Variants in SRGAP1 observed in about 807,000 individuals in gnomAD.
The protein encoded by SRGAP1 is SLIT-ROBO Rho GTPase-activating protein 1.
SRGAP1 carries 43 observed loss-of-function variants against 121.9 expected under a neutral mutation model. The ratio of observed to expected loss-of-function variants is 0.35; its 90% CI spans 0.28 to 0.46. The LOEUF is 0.46. SRGAP1 is among the 20% of genes least tolerant of loss of function. The pLI is 1.00. For missense variants in SRGAP1, 1,102 were observed against 1,350.9 expected (o/e 0.82, Z 2.89); for synonymous variants, 447 against 485.4 (o/e 0.92, Z 1.04).
chr12:64,013,664 A>T (rs2034318998), intron 3 of SRGAP1, among the ~76,000 whole-genome samples: 1 of 152,184 alleles, frequency 6.6e-6, no homozygotes, highest in Non-Finnish European at 1.5e-5. Flanking sequence ...TCAGTTACAT[A>T]TACCTTATTA....
At position 64,035,928 on chromosome 12, in the gene SRGAP1, C is replaced by T. The variant is rs144216588; in HGVS notation, c.490-6862C>T. Among the ~76,000 whole-genome samples, 55 of 152,288 alleles carry T rather than the reference C, an allele frequency of 3.6e-4. 1 individual carries two copies. In the East Asian group the frequency reaches 8.7e-3, roughly 24 times the overall value. ...ACTGTCAAGAATCATAACTACCCAC[C>T]GTGCTGTGTGCTTACATTCTGTCAT... On this transcript the variant is annotated intron_variant, in intron 4 of 21. Transcript: ENST00000355086.
intron 1 of SRGAP1, among the ~76,000 whole-genome samples, chr12:63,857,115 G>A (rs9738559): frequency 0.15 from 22,573 of 145,816 alleles, 2,727 homozygotes; most frequent in East Asian, 0.42. Context: ...ATGGAGTTTC[G>A]CTTACCCAGG....
chr12:63,896,271 T>C (rs1241143775), intron 1 of SRGAP1, among the ~76,000 whole-genome samples: 1 of 152,212 alleles, frequency 6.6e-6, no homozygotes, highest in African/African-American at 2.4e-5. Context: ...GATGGTGATG[T>C]ATTAATAATT....
At chr12:64,110,760 G>T (rs115581667) in intron 16 of SRGAP1, among the ~76,000 whole-genome samples, 327 of 152,258 alleles carry the variant, frequency 2.1e-3, no homozygotes, top group African/African-American at 7.7e-3. Context: ...TTGAGAAATG[G>T]CAGAAGGGAA....
At chr12:64,081,813 A>G (rs1021005958) in intron 10 of SRGAP1, 1 of 151,698 alleles carries the variant, frequency 6.6e-6, no homozygotes, top group Non-Finnish European at 1.5e-5. Context: ...AAGAAGGTAC[A>G]GTCAATGTGG....
intron 17 of SRGAP1, among the ~76,000 whole-genome samples, chr12:64,112,421 A>G (rs1001702291): frequency 1.1e-4 from 17 of 152,040 alleles, no homozygotes; most frequent in African/African-American, 4.1e-4. Context: ...TTTCATTTTC[A>G]CTCTTCCTAA....
rs907717516 is a variant in SRGAP1, at chr12:64,067,756, A to C, written c.1125+2537A>C. Among the ~76,000 whole-genome samples the C allele has an allele frequency of 3.3e-5, 5 of 152,110 alleles. No homozygotes were observed. In the East Asian group the frequency reaches 9.6e-4, roughly 29 times the overall value. ...TCTCTTTGGGGATGAACTGATGGAG[A>C]AGGTGAGGTCATTCAACAAGAAGCT... On this transcript the variant is annotated intron_variant, in intron 8 of 21. Coordinates refer to ENST00000355086, the MANE Select transcript of SRGAP1 (RefSeq NM_020762.4).
chr12:63,999,241 A>T (rs1392841917), intron 3 of SRGAP1, among the ~76,000 whole-genome samples: 1 of 152,172 alleles, frequency 6.6e-6, no homozygotes, highest in Non-Finnish European at 1.5e-5. Flanking sequence ...AGATGGCAAG[A>T]GAGATGATTG....
chr12:63,855,905 C>G (rs978833156), intron 1 of SRGAP1, among the ~76,000 whole-genome samples: 4 of 152,056 alleles, frequency 2.6e-5, no homozygotes, highest in African/African-American at 9.7e-5. Flanking sequence ...TAGTCTCTTG[C>G]CAGTTATATC....
chr12:63,993,089 G>A (rs186437510), intron 3 of SRGAP1, among the ~76,000 whole-genome samples: 1 of 152,248 alleles, frequency 6.6e-6, no homozygotes, highest in East Asian at 1.9e-4. Flanking sequence ...AGTTTACGGA[G>A]GAGTAAGATC....
chr12:63,904,838 G>A (rs2030123759), intron 1 of SRGAP1, among the ~76,000 whole-genome samples: 1 of 152,126 alleles, frequency 6.6e-6, no homozygotes, highest in African/African-American at 2.4e-5. Context: ...GGGAGGCTGA[G>A]GTGGGAGGAT....
intron 1 of SRGAP1, among the ~76,000 whole-genome samples, chr12:63,904,193 G>A (rs1182514312): frequency 1.3e-5 from 2 of 151,392 alleles, no homozygotes; most frequent in Non-Finnish European, 2.9e-5. Context: ...TTCTCCTTTA[G>A]TAATACAACT....
chr12:64,126,518 T>G (rs541252969), intron 19 of SRGAP1, among the ~76,000 whole-genome samples: 1 of 152,348 alleles, frequency 6.6e-6, no homozygotes, highest in South Asian at 2.1e-4. Flanking sequence ...GGAAGGACAC[T>G]GACCTAAAGT....
At chr12:63,960,467 T>C (rs1295945366) in intron 1 of SRGAP1, among the ~76,000 whole-genome samples, 2 of 152,158 alleles carry the variant, frequency 1.3e-5, no homozygotes, top group East Asian at 1.9e-4. Context: ...GTCATTCTGC[T>C]ACCAGAGTGA....
chr12:64,129,968 A>C (rs1262626909), intron 21 of SRGAP1, among the ~76,000 whole-genome samples: 3 of 144,242 alleles, frequency 2.1e-5, no homozygotes, highest in Non-Finnish European at 4.6e-5. Context: ...GCACCTCAGC[A>C]GGTCGTGGTT....
At chr12:63,890,443 G>GA (rs1029355031) in intron 1 of SRGAP1, among the ~76,000 whole-genome samples, 2 of 152,172 alleles carry the variant, frequency 1.3e-5, no homozygotes, top group Admixed American at 6.5e-5. Context: ...CACAGTGGAG[G>GA]AAAAAAACCA....
chr12:64,111,884 A>G lies in SRGAP1; in HGVS notation c.2042A>G (p.Glu681Gly), dbSNP rs1382888883. The change falls in exon 17 of 22, where the codon GAA (glutamate) becomes GGA (glycine). Residue 681 changes from glutamate (E) to glycine (G), a missense_variant. Around this residue, in one of 3 missense-constraint regions of SRGAP1, gnomAD observed 747 missense variants for 929.4 expected, o/e 0.80. Transcript: ENST00000355086. ...DQVSCQAHVN[E>G]IIKTIIIHHE... ...GTGTCTTGCCAGGCACATGTGAATG[A>G]AATTATCAAAACCATCATCATCCAC... 6.2e-7 allele frequency: 1 copy of G among 1,614,102 alleles called. No individual in the cohort carries two copies. The highest frequency in any genetic ancestry group is 8.5e-7 in the Non-Finnish European group (1 of 1,180,008).
chr12:63,893,510 G>A (rs1250169656), intron 1 of SRGAP1, among the ~76,000 whole-genome samples: 2 of 152,158 alleles, frequency 1.3e-5, no homozygotes, highest in African/African-American at 2.4e-5. Context: ...CTCAGCTACA[G>A]TCACCAAATA....
chr12:63,954,688 A>AAAAAAG (rs57230527), intron 1 of SRGAP1, among the ~76,000 whole-genome samples: 1 of 130,274 alleles, frequency 7.7e-6, no homozygotes, highest in Non-Finnish European at 1.6e-5. Flanking sequence ...AAAAAAAAAA[A>AAAAAAG]AAAAGAAAAG....
Sources: gnomAD v4.1 joint callset for allele counts (sites outside exome capture counted in the v4.1 genomes callset) on GRCh38, gnomAD v4.1.1 for gene constraint, gnomAD v4.1.1 regional missense constraint, MANE v1.5 for transcripts, NCBI Gene and HGNC (gene_info 2026-07-23, HGNC 2026-07-21) for gene names.